MICALL1: variants seen among roughly 807,000 people sequenced by gnomAD.
MICALL1 encodes the protein MICAL like 1, also known as MICAL-like protein 1.
MICALL1 carries 61 observed loss-of-function variants against 83.7 expected under a neutral mutation model. That is an observed-to-expected ratio of 0.73 (90% CI 0.59 to 0.90). The LOEUF (loss-of-function observed/expected upper bound fraction) is 0.90. Among genes scored for constraint, MICALL1 ranks in the 40% least tolerant of loss-of-function variants. The pLI is 0.00. For missense variants in MICALL1, 1,066 were observed against 1,152.0 expected, an observed-to-expected ratio of 0.93 and a Z score of 1.08; for synonymous variants, 481 against 473.6, an observed-to-expected ratio of 1.02 and a Z score of -0.20.
In MICALL1 at chr22:37,927,812, C is replaced by T. The variant is rs745969195; in HGVS notation, c.1867C>T (p.Gln623Ter). 2 of 1,608,068 alleles carry T rather than the reference C, an allele frequency of 1.2e-6. No homozygotes were observed. The highest frequency in any genetic ancestry group is 1.7e-5 in the Admixed American group (1 of 59,790). The part of the protein sequence containing the change: ...PVPSPGSSSP[Q>*]LQVKSSCKEN... ...GCCTTCCCCTGGAAGCTCGTCCCCA[C>T]AGCTGCAGGTAAAGGTGAGTGCCCC... Residue 623 changes from glutamine (Q) to a stop codon, truncating the protein, a stop_gained, in exon 9 of 16, where the codon CAG becomes TAG. Transcript: ENST00000215957. LOFTEE classifies it high-confidence loss of function.
intron 15 of MICALL1, among the ~76,000 whole-genome samples, chr22:37,938,389 G>A (rs1481921409): frequency 5.2e-4 from 73 of 139,322 alleles, no homozygotes; most frequent in Non-Finnish European, 2.3e-4. Flanking sequence ...GTGACAGAGC[G>A]AGACTCAGTC....
At chr22:37,931,214 G>A (rs1042143255) in intron 9 of MICALL1, among the ~76,000 whole-genome samples, 1 of 152,180 alleles carries the variant, frequency 6.6e-6, no homozygotes, top group African/African-American at 2.4e-5. Flanking sequence ...CTGTGAAATG[G>A]TCATTGTAAT....
At position 37,920,507 on chromosome 22, in the gene MICALL1, T is replaced by C. The variant is rs28395461; in HGVS notation, c.569+1329T>C. On this transcript the variant is annotated intron_variant, in intron 5 of 15. Coordinates refer to ENST00000215957, the MANE Select transcript of MICALL1 (RefSeq NM_033386.4). Reference sequence around the variant, plus strand: ...TACAGGCCGGAGCTGGGTGTGGTGGTGGCTCATGCCTATAATCCCAGCACT... The same window carrying C: ...TACAGGCCGGAGCTGGGTGTGGTGGCGGCTCATGCCTATAATCCCAGCACT... Among the ~76,000 whole-genome samples the C allele has an allele frequency of 2.7e-4, 41 of 151,958 alleles. 1 individual carries two copies. Among genetic ancestry groups the C allele is most frequent in the Non-Finnish European group, 5.9e-5 (4 of 68,006 alleles).
intron 5 of MICALL1, among the ~76,000 whole-genome samples, chr22:37,921,397 G>A (rs1230974549): frequency 2.6e-5 from 4 of 151,954 alleles, no homozygotes; most frequent in Admixed American, 6.6e-5. Context: ...GTGAAACTCC[G>A]TCTCTACTAA....
intron 4 of MICALL1, among the ~76,000 whole-genome samples, chr22:37,918,791 C>T (rs1049709046): frequency 6.6e-6 from 1 of 152,256 alleles, no homozygotes; most frequent in African/African-American, 2.4e-5. Context: ...CGTGTTTCCG[C>T]ACTGGCTCAG....
At chr22:37,914,633 A>G (rs1569136712) in intron 3 of MICALL1, among the ~76,000 whole-genome samples, 1 of 151,384 alleles carries the variant, frequency 6.6e-6, no homozygotes, top group Non-Finnish European at 1.5e-5. Flanking sequence ...ACACACACGC[A>G]CATATATGTG....
chr22:37,933,650 G>A (rs1301036869), intron 13 of MICALL1, among the ~76,000 whole-genome samples: 2 of 152,172 alleles, frequency 1.3e-5, no homozygotes, highest in Non-Finnish European at 2.9e-5. Context: ...GTTTGGTGAG[G>A]AGGGCTCCTC....
At chr22:37,914,597 G>T (rs1928556735) in intron 3 of MICALL1, among the ~76,000 whole-genome samples, 1 of 151,398 alleles carries the variant, frequency 6.6e-6, no homozygotes, top group Non-Finnish European at 1.5e-5. Context: ...CATATATTAT[G>T]TGTATATATG....
intron 13 of MICALL1, among the ~76,000 whole-genome samples, chr22:37,935,021 TC>T (rs199582499): frequency 0.041 from 6,139 of 149,272 alleles, 173 homozygotes; most frequent in Non-Finnish European, 0.062. Flanking sequence ...AAGCTCCGCC[TC>T]CCCAGGTTGA....
At position 37,937,184 on chromosome 22, in the gene MICALL1, G is replaced by A; in HGVS notation, c.2413G>A (p.Asp805Asn). Residue 805 changes from aspartate to asparagine, a missense_variant, in exon 14 of 16, where the codon GAC (aspartate) becomes AAC (asparagine). Transcript: ENST00000215957. ...RNAIINCLDEDRQREEEEDKM... is the reference protein window; with the variant it reads ...RNAIINCLDENRQREEEEDKM... ...CGCTATCATCAACTGCCTGGATGAG[G>A]ACCGGCAGAGGTGACATGGCCAGGG... 2 of 1,546,264 alleles carry A rather than the reference G, an allele frequency of 1.3e-6. No homozygotes were observed. Among genetic ancestry groups the A allele is most frequent in the Non-Finnish European group, 1.7e-6 (2 of 1,144,318 alleles).
intron 2 of MICALL1, 100 bp downstream of exon 2, chr22:37,912,100 C>T (rs1928367708): frequency 7.3e-7 from 1 of 1,374,452 alleles, no homozygotes; most frequent in Non-Finnish European, 1.0e-6. Flanking sequence ...ACGGTGGCTG[C>T]CCTTGTACAC....
At chr22:37,926,107 A>G in intron 8 of MICALL1, 64 bp downstream of exon 8, 4 of 984,770 alleles carry the variant, frequency 4.1e-6, no homozygotes, top group Non-Finnish European at 4.4e-6. Flanking sequence ...GGGCCTGGGG[A>G]GGGGGTGTGG....
intron 1 of MICALL1, among the ~76,000 whole-genome samples, chr22:37,911,227 C>T (rs1038216073): frequency 1.3e-5 from 2 of 152,248 alleles, no homozygotes; most frequent in African/African-American, 4.8e-5. Flanking sequence ...AGGAGTGGCC[C>T]AGTGGGGCCA....
At chr22:37,922,747 T>TA (rs1929155533) in intron 6 of MICALL1, among the ~76,000 whole-genome samples, 1 of 144,442 alleles carries the variant, frequency 6.9e-6, no homozygotes, top group Non-Finnish European at 1.5e-5. Context: ...GTAGCTGGGA[T>TA]TACAGGCATG....
At chr22:37,936,024 C>T (rs1319069038) in intron 13 of MICALL1, among the ~76,000 whole-genome samples, 1 of 152,300 alleles carries the variant, frequency 6.6e-6, no homozygotes, top group South Asian at 2.1e-4. Context: ...CCACCGGGCC[C>T]GGCCTAGGAT....
chr22:37,927,195 C>T (rs34575658), intron 8 of MICALL1: 17,827 of 545,428 alleles, frequency 0.033, 1,066 homozygotes, highest in East Asian at 0.22. Flanking sequence ...GCAGGCAGAA[C>T]GCAAGGCGGG....
chr22:37,914,237 T>G (rs1006586259), intron 3 of MICALL1, among the ~76,000 whole-genome samples: 6 of 150,006 alleles, frequency 4.0e-5, no homozygotes, highest in African/African-American at 1.5e-4. Context: ...CTTTCTTTTT[T>G]TTTTTTGAAA....
At position 37,924,585 on chromosome 22, in the gene MICALL1, G is replaced by T. The variant is rs886933985; in HGVS notation, c.1025-75G>T. ...AGGCGGGGCGCTCCTGGGGAGGCAG[G>T]TGCTGTGGCTGGCTCCCTGGGTGCC... On this transcript the variant is annotated intron_variant, in intron 6 of 15. Coordinates refer to ENST00000215957, the MANE Select transcript of MICALL1 (RefSeq NM_033386.4). The surrounding 1 kb of genome is among the most constrained non-coding windows in gnomAD (Gnocchi z 5.2). 1.4e-6 allele frequency: 2 copies of T among 1,468,926 alleles called. No homozygotes were observed. The highest frequency in any genetic ancestry group is 1.8e-5 in the Admixed American group (1 of 56,596). The allele number at this position is 1,468,926 out of a possible 1,614,324, so 91.0% of individuals were successfully genotyped here.
In MICALL1 at chr22:37,925,767, C is replaced by T; in HGVS notation, c.1189C>T (p.Gln397Ter). The T allele has an allele frequency of 6.2e-7, 1 of 1,613,204 alleles. No individual in the cohort carries two copies. The highest frequency in any genetic ancestry group is 8.5e-7 in the Non-Finnish European group (1 of 1,179,954). Reference sequence around the variant, plus strand: ...AAGCAGCAGCCCGGGGCCACCAAGCCAGGACAGCAGGCAGGTGGAGAATGG... The same window carrying T: ...AAGCAGCAGCCCGGGGCCACCAAGCTAGGACAGCAGGCAGGTGGAGAATGG... ...PPSSSPGPPS[Q>*]DSRQVENGGT... is the part of the protein sequence containing the mutation. Residue 397 changes from glutamine (Q) to a stop codon, truncating the protein, a stop_gained, in exon 8 of 16, where the codon CAG becomes TAG. Coordinates refer to ENST00000215957, the MANE Select transcript of MICALL1 (RefSeq NM_033386.4). LOFTEE classifies it high-confidence loss of function.
Sources: allele counts gnomAD v4.1 joint callset (sites outside exome capture counted in the v4.1 genomes callset), GRCh38; gene constraint gnomAD v4.1.1; non-coding constraint Gnocchi (gnomAD v3.1); transcripts MANE v1.5; gene names NCBI Gene and HGNC (gene_info 2026-07-23, HGNC 2026-07-21).